Variants in NR1I2 observed in about 807,000 individuals in gnomAD.
NR1I2 encodes orphan nuclear receptor PAR1.
A neutral mutation model predicts 43.3 loss-of-function variants in NR1I2; 42 were observed. That is an observed-to-expected ratio of 0.97 (90% CI 0.76 to 1.26). The LOEUF (loss-of-function observed/expected upper bound fraction) is 1.26. NR1I2 is among the 50% of genes most tolerant of loss of function. The pLI is 0.00. For synonymous variants in NR1I2, 229 were observed against 215.0 expected, an observed-to-expected ratio of 1.06 and a Z score of -0.57; for missense variants, 559 against 566.7, an observed-to-expected ratio of 0.99 and a Z score of 0.14.
chr3:119,811,503 G>A (rs771143425), intron 3 of NR1I2, 36 bp from the exon 4 acceptor site: 20 of 1,579,420 alleles, frequency 1.3e-5, no homozygotes, highest in Admixed American at 1.8e-5. Flanking sequence ...CTCACCAGGG[G>A]CACGTGTGCC....
chr3:119,788,371 G>T (rs189802928), intron 1 of NR1I2, among the ~76,000 whole-genome samples: 169 of 152,270 alleles, frequency 1.1e-3, no homozygotes, highest in Admixed American at 3.3e-3. Context: ...TCCTGCCTCA[G>T]CCCCCCTAAG....
intron 1 of NR1I2, among the ~76,000 whole-genome samples, chr3:119,795,123 G>T (rs1274024462): frequency 1.3e-5 from 2 of 152,172 alleles, no homozygotes; most frequent in East Asian, 3.8e-4. Flanking sequence ...CTTGGCTGGG[G>T]TTGGTCAGTG....
intron 2 of NR1I2, among the ~76,000 whole-genome samples, chr3:119,809,479 C>T (rs2055205741): frequency 6.6e-6 from 1 of 151,386 alleles, no homozygotes; most frequent in African/African-American, 2.4e-5. Context: ...ATAAGAACTT[C>T]CCCATAGTTC....
intron 1 of NR1I2, among the ~76,000 whole-genome samples, chr3:119,785,219 G>A (rs1396362272): frequency 6.6e-6 from 1 of 152,186 alleles, no homozygotes; most frequent in Non-Finnish European, 1.5e-5. Context: ...GATGTCCTAG[G>A]AATTCTTGTC....
intron 1 of NR1I2, among the ~76,000 whole-genome samples, chr3:119,805,517 A>G (rs1163486342): frequency 6.6e-6 from 1 of 152,150 alleles, no homozygotes; most frequent in African/African-American, 2.4e-5. Flanking sequence ...AGCCTGACCA[A>G]CATGGTGAAA....
intron 3 of NR1I2, 35 bp downstream of exon 3, chr3:119,810,229 G>A: frequency 2.6e-6 from 4 of 1,563,242 alleles, no homozygotes; most frequent in Non-Finnish European, 2.6e-6. Context: ...CCGGCGCCGG[G>A]GTGCACGGCT....
chr3:119,811,002 C>CT (rs1391569347), intron 3 of NR1I2: 7 of 154,356 alleles, frequency 4.5e-5, no homozygotes, highest in African/African-American at 1.4e-4. Flanking sequence ...CTTGGAGACC[C>CT]AGACACCTCT....
chr3:119,811,249 G>A (rs937461164), intron 3 of NR1I2: 1 of 328,764 alleles, frequency 3.0e-6, no homozygotes, highest in East Asian at 5.1e-5. Context: ...CAAACCCAGC[G>A]CCTTTGGATT....
chr3:119,816,465 A>T (rs1055096086), intron 8 of NR1I2, among the ~76,000 whole-genome samples: 1 of 152,064 alleles, frequency 6.6e-6, no homozygotes, highest in Admixed American at 6.6e-5. Context: ...TGACAGCCCC[A>T]CACCCCCAAA....
At chr3:119,782,413 G>T in intron 1 of NR1I2, 113 bp downstream of exon 1, 1 of 287,126 alleles carries the variant, frequency 3.5e-6, no homozygotes, top group Non-Finnish European at 6.9e-6. Context: ...ATCATAGTGG[G>T]TCGTGAATCA....
chr3:119,815,370 A>T lies in NR1I2; in HGVS notation c.985A>T (p.Met329Leu). The T allele has an allele frequency of 6.2e-7, 1 of 1,613,920 alleles. No individual in the cohort carries two copies. Among genetic ancestry groups the T allele is most frequent in the Non-Finnish European group, 8.5e-7 (1 of 1,180,012 alleles). Residue 329 changes from methionine to leucine, a missense_variant, in exon 7 of 9, where the codon ATG (methionine) becomes TTG (leucine). By Grantham distance (15) the Met-to-Leu change is conservative. This residue lies in a region of NR1I2 where 323 missense variants were observed against 312.2 expected (regional missense o/e 1.03). Transcript: ENST00000393716. ...GGAGCCCATGCTGAAATTCCACTAC[A>T]TGCTGAAGAAGCTGCAGCTGCATGA...
chr3:119,815,468 T>G (rs1577287406), intron 7 of NR1I2, 29 bp downstream of exon 7: 5 of 1,561,924 alleles, frequency 3.2e-6, no homozygotes, highest in Non-Finnish European at 3.5e-6. Context: ...CTGCCTGACA[T>G]CCCCCCCAGC....
Position 119,817,237 on chromosome 3 carries a change from C to G in NR1I2, c.*25C>G, listed in dbSNP as rs757883561. On this transcript the variant is annotated 3_prime_UTR_variant, in exon 9 of 9. Coordinates refer to ENST00000393716, the MANE Select transcript of NR1I2 (RefSeq NM_003889.4). ...AGCGGCTGCCCTTGGGTGACACCTC[C>G]GAGAGGCAGCCAGACCCAGAGCCCT... 28 of 1,612,448 alleles carry G rather than the reference C, an allele frequency of 1.7e-5. No individual in the cohort carries two copies. Among genetic ancestry groups the G allele is most frequent in the Non-Finnish European group, 2.1e-5 (25 of 1,179,940 alleles).
intron 1 of NR1I2, among the ~76,000 whole-genome samples, chr3:119,797,643 A>G (rs538433195): frequency 1.3e-5 from 2 of 152,312 alleles, no homozygotes; most frequent in African/African-American, 4.8e-5. Context: ...TATACAGGAC[A>G]TTATTATTAT....
chr3:119,815,270 G>A lies in NR1I2; in HGVS notation c.938-53G>A, dbSNP rs2107978530. 2.5e-6 allele frequency: 4 copies of A among 1,577,728 alleles called. 1 individual carries two copies. The East Asian group carries it at 9.0e-5, about 35-fold the overall frequency. Reference sequence around the variant, plus strand: ...ACAAGATATTGGTGAGGGATGATTAGATCTTGGTCAGCTTGCTGAGAAGCT... The same window carrying A: ...ACAAGATATTGGTGAGGGATGATTAAATCTTGGTCAGCTTGCTGAGAAGCT... On this transcript the variant is annotated intron_variant, in intron 6 of 8. Transcript: ENST00000393716.
At chr3:119,809,962 G>C in intron 2 of NR1I2, 99 bp from the exon 3 acceptor site, 1 of 1,489,664 alleles carries the variant, frequency 6.7e-7, no homozygotes, top group Non-Finnish European at 9.3e-7. Flanking sequence ...CCCTCCCCGA[G>C]TCGGTAGGGG....
chr3:119,816,818 C>T (rs1399697291), intron 8 of NR1I2, among the ~76,000 whole-genome samples: 1 of 126,640 alleles, frequency 7.9e-6, no homozygotes, highest in East Asian at 2.3e-4. Flanking sequence ...GAGATCCTGT[C>T]CCTTTAAAGA....
At chr3:119,783,535 T>C (rs1343520724) in intron 1 of NR1I2, among the ~76,000 whole-genome samples, 1 of 152,182 alleles carries the variant, frequency 6.6e-6, no homozygotes, top group Non-Finnish European at 1.5e-5. Context: ...GTTTGCCAAC[T>C]CCTGATCTAA....
chr3:119,785,391 A>G (rs767859482), intron 1 of NR1I2, among the ~76,000 whole-genome samples: 3 of 152,216 alleles, frequency 2.0e-5, no homozygotes, highest in Non-Finnish European at 4.4e-5. Context: ...CTTGGGGTCT[A>G]CTGGCCACAC....
Sources: gnomAD v4.1 joint callset for allele counts (sites outside exome capture counted in the v4.1 genomes callset) on GRCh38, gnomAD v4.1.1 for gene constraint, gnomAD v4.1.1 regional missense constraint, MANE v1.5 for transcripts, NCBI Gene and HGNC (gene_info 2026-07-23, HGNC 2026-07-21) for gene names.